The following UNC13C variants were observed in gnomAD, a reference collection of about 807,000 sequenced individuals.
UNC13C encodes unc-13 homolog C, also known as protein unc-13 homolog C.
In UNC13C, 174 loss-of-function variants were observed where a neutral mutation model predicts 245.4. That is an observed-to-expected ratio of 0.71 (90% CI 0.63 to 0.80). UNC13C has a LOEUF of 0.80. Ranked by LOEUF, UNC13C falls within the 30% of genes least tolerant of loss-of-function variation. UNC13C has a pLI of 0.00. For synonymous variants in UNC13C, 992 were observed against 895.1 expected (o/e 1.11, Z -1.93); for missense variants, 2,829 against 2,602.9 (o/e 1.09, Z -1.89).
rs76011716 is a variant in UNC13C, at chr15:54,605,783, C to T, written c.6107-16544C>T. 3.6e-3 allele frequency among the ~76,000 whole-genome samples: 544 copies of T among 152,274 alleles called. 2 individuals are homozygous for T. Among genetic ancestry groups the T allele is most frequent in the African/African-American group, 0.012 (517 of 41,554 alleles). On this transcript the variant is annotated intron_variant, in intron 30 of 32. Coordinates refer to ENST00000260323, the MANE Select transcript of UNC13C (RefSeq NM_001080534.3). ...AGGATCTGGTCAAACCTGTATTGCT[C>T]GATCGCTTAAATGCTTTGCGAGCAA...
At chr15:54,618,324 G>A (rs1323074167) in intron 30 of UNC13C, among the ~76,000 whole-genome samples, 3 of 152,260 alleles carry the variant, frequency 2.0e-5, no homozygotes, top group Middle Eastern at 3.4e-3. Context: ...ACCCAATAAT[G>A]TTAGTGACAA....
chr15:54,479,206 G>T (rs182900327), intron 19 of UNC13C, among the ~76,000 whole-genome samples: 1 of 151,834 alleles, frequency 6.6e-6, no homozygotes, highest in Non-Finnish European at 1.5e-5. Context: ...TTTTATGGGG[G>T]TCTCTCTCTC....
chr15:54,340,017 G>T (rs531821772), intron 17 of UNC13C, among the ~76,000 whole-genome samples: 1 of 152,196 alleles, frequency 6.6e-6, no homozygotes, highest in African/African-American at 2.4e-5. Context: ...TTGTGGTTTG[G>T]ATTTGTATTT....
At chr15:54,247,308 C>T (rs1159531500) in intron 7 of UNC13C, among the ~76,000 whole-genome samples, 3 of 152,106 alleles carry the variant, frequency 2.0e-5, no homozygotes, top group Non-Finnish European at 4.4e-5. Flanking sequence ...TTATTCCACA[C>T]AAAAACCCAC....
intron 30 of UNC13C, among the ~76,000 whole-genome samples, chr15:54,605,662 T>A (rs1045380250): frequency 1.3e-5 from 2 of 152,160 alleles, no homozygotes; most frequent in Admixed American, 6.5e-5. Flanking sequence ...CTAACCAAGT[T>A]TTAATGCTTG....
the UNC13C span, among the ~76,000 whole-genome samples, chr15:53,850,341 G>C: frequency 2.6e-5 from 4 of 152,104 alleles, no homozygotes; most frequent in African/African-American, 9.7e-5. Flanking sequence ...CTTGAACCCC[G>C]GTGGTTGAGA....
chr15:54,242,462 C>A (rs1450329627), intron 7 of UNC13C, among the ~76,000 whole-genome samples: 1 of 152,022 alleles, frequency 6.6e-6, no homozygotes, highest in Non-Finnish European at 1.5e-5. Flanking sequence ...ATGGTTTATA[C>A]AAAAATGTGT....
intron 16 of UNC13C, among the ~76,000 whole-genome samples, chr15:54,335,790 T>C (rs1471015136): frequency 6.6e-6 from 1 of 152,192 alleles, no homozygotes; most frequent in East Asian, 1.9e-4. Context: ...TTATTTACAA[T>C]TTTGGTTTCT....
chr15:54,546,790 T>C lies in UNC13C; in HGVS notation c.5765T>C (p.Leu1922Pro), dbSNP rs777260351. 1.4e-5 allele frequency: 22 copies of C among 1,570,106 alleles called. No individual in the cohort carries two copies. Among genetic ancestry groups the C allele is most frequent in the Non-Finnish European group, 1.9e-5 (22 of 1,156,064 alleles). ...LKRVLKELWK[L>P]VLNKIEKQIV... ...CGAGTTTTAAAAGAGTTATGGAAGCTAGTTCTCAACAAAATAGAAAAACAA... is the reference window on the plus strand; with the variant it reads ...CGAGTTTTAAAAGAGTTATGGAAGCCAGTTCTCAACAAAATAGAAAAACAA... The change falls in exon 27 of 33, where the codon CTA becomes CCA. Residue 1922 changes from leucine (L) to proline (P), a missense_variant. Transcript: ENST00000260323.
chr15:54,594,628 C>T (rs1898972127), intron 30 of UNC13C, among the ~76,000 whole-genome samples: 1 of 152,124 alleles, frequency 6.6e-6, no homozygotes, highest in South Asian at 2.1e-4. Context: ...CCGTCACAGG[C>T]CTCACCCAGC....
chr15:54,345,474 A>C (rs961303360), intron 17 of UNC13C, among the ~76,000 whole-genome samples: 18 of 152,152 alleles, frequency 1.2e-4, no homozygotes, highest in African/African-American at 3.6e-4. Flanking sequence ...AACCCATAAA[A>C]ACATCTTGTC....
At chr15:53,950,550 A>G in the UNC13C span, among the ~76,000 whole-genome samples, 1 of 152,118 alleles carries the variant, frequency 6.6e-6, no homozygotes. Flanking sequence ...AACAGAATAC[A>G]ATAGCTGGGA....
intron 29 of UNC13C, among the ~76,000 whole-genome samples, chr15:54,560,343 T>G (rs1356457530): frequency 6.6e-6 from 1 of 151,944 alleles, no homozygotes; most frequent in Non-Finnish European, 1.5e-5. Flanking sequence ...GTTTGAAGAG[T>G]TAGAAGAATT....
chr15:54,208,246 G>T (rs990075354), intron 4 of UNC13C, among the ~76,000 whole-genome samples: 3 of 152,034 alleles, frequency 2.0e-5, no homozygotes, highest in Non-Finnish European at 4.4e-5. Context: ...GCATTCATGA[G>T]GGATGACCCC....
At position 54,333,842 on chromosome 15, in the gene UNC13C, T is replaced by C. The variant is rs745352845; in HGVS notation, c.4570T>C (p.Phe1524Leu). 5.0e-6 allele frequency: 8 copies of C among 1,598,854 alleles called. No homozygotes were observed. The highest frequency in any genetic ancestry group is 1.3e-5 in the African/African-American group (1 of 74,692). The change falls in exon 16 of 33, where the codon TTT (phenylalanine) becomes CTT (leucine). Residue 1524 changes from phenylalanine to leucine, a missense_variant. Physicochemically the swap from Phe to Leu is conservative, Grantham distance 22 (BLOSUM62 0). Transcript: ENST00000260323. Reference sequence around the variant, plus strand: ...TGTTGACCTGTTAACAAGTATCACCTTTTTTAGGATGAAGGTATCTCATTT... The same window carrying C: ...TGTTGACCTGTTAACAAGTATCACCCTTTTTAGGATGAAGGTATCTCATTT... ...STVDLLTSIT[F>L]FRMKVLELQS...
intron 17 of UNC13C, among the ~76,000 whole-genome samples, chr15:54,363,859 G>A (rs2039294114): frequency 6.6e-6 from 1 of 152,068 alleles, no homozygotes; most frequent in South Asian, 2.1e-4. Flanking sequence ...TCTTAAATAA[G>A]GATTTCCATT....
chr15:53,975,595 T>G (rs569700411), upstream of UNC13C, among the ~76,000 whole-genome samples: 3 of 152,356 alleles, frequency 2.0e-5, no homozygotes, highest in East Asian at 5.8e-4. Flanking sequence ...AAGCCAGATA[T>G]ACAGGCCATG....
chr15:54,124,195 C>T (rs999357634), intron 2 of UNC13C, among the ~76,000 whole-genome samples: 11 of 152,106 alleles, frequency 7.2e-5, no homozygotes, highest in South Asian at 2.1e-4. Context: ...ATTTTCATTT[C>T]GCTAGGATAA....
At chr15:54,386,434 T>C (rs957565521) in intron 17 of UNC13C, among the ~76,000 whole-genome samples, 3 of 152,094 alleles carry the variant, frequency 2.0e-5, no homozygotes, top group Non-Finnish European at 4.4e-5. Flanking sequence ...TCAGGTGTGA[T>C]GTGTTTGGAG....
Sources: gnomAD v4.1 joint callset for allele counts (sites outside exome capture counted in the v4.1 genomes callset) on GRCh38, gnomAD v4.1.1 for gene constraint, MANE v1.5 for transcripts, NCBI Gene and HGNC (gene_info 2026-07-23, HGNC 2026-07-21) for gene names.